NALF1: variants seen among roughly 807,000 people sequenced by gnomAD.
NALF1 encodes family with sequence similarity 155 member A.
Under a neutral mutation model 48.4 loss-of-function variants are expected in NALF1, and 3 were observed. That is an observed-to-expected ratio of 0.06 (90% CI 0.03 to 0.16). NALF1 has a LOEUF of 0.16. Among genes scored for constraint, NALF1 ranks in the 10% least tolerant of loss-of-function variants. The pLI is 1.00. For missense variants in NALF1, 526 were observed against 571.5 expected, an observed-to-expected ratio of 0.92 and a Z score of 0.81; for synonymous variants, 262 against 245.7, an observed-to-expected ratio of 1.07 and a Z score of -0.62.
At chr13:107,271,513 A>G (rs184544813) in intron 1 of NALF1, among the ~76,000 whole-genome samples, 12 of 152,182 alleles carry the variant, frequency 7.9e-5, no homozygotes, top group African/African-American at 2.9e-4. Context: ...ATGAGGCTAG[A>G]CGACTGGGGC....
rs1884908877 is a variant in NALF1, at chr13:107,460,952, G to A, written c.916-250197C>T. ...TTAACATCATCATGTTTTTGGAAAA[G>A]AAATCCATTTGTACATGAGGAGACA... On this transcript the variant is annotated intron_variant, in intron 1 of 2. Coordinates refer to ENST00000375915, the MANE Select transcript of NALF1 (RefSeq NM_001080396.3). 2.0e-5 allele frequency among the ~76,000 whole-genome samples: 3 copies of A among 152,200 alleles called. 1 individual carries two copies. Among genetic ancestry groups the A allele is most frequent in the Admixed American group, 2.0e-4 (3 of 15,290 alleles).
chr13:107,341,793 C>A (rs1414900045), intron 1 of NALF1, among the ~76,000 whole-genome samples: 1 of 151,176 alleles, frequency 6.6e-6, no homozygotes, highest in African/African-American at 2.4e-5. Context: ...TATTTATAGG[C>A]ATTTTTATCT....
chr13:107,480,937 A>C (rs1885245141), intron 1 of NALF1, among the ~76,000 whole-genome samples: 1 of 152,150 alleles, frequency 6.6e-6, no homozygotes, highest in African/African-American at 2.4e-5. Context: ...TACGAAACCC[A>C]CTAAAATCTT....
chr13:107,467,616 C>A (rs1469649346), intron 1 of NALF1, among the ~76,000 whole-genome samples: 2 of 152,052 alleles, frequency 1.3e-5, no homozygotes, highest in African/African-American at 4.8e-5. Context: ...AACAAATTAG[C>A]AATTAAGAAA....
rs114719625 is a variant in NALF1 at position 107,225,854 on chromosome 13, C to T, written c.916-15099G>A. Among the ~76,000 whole-genome samples, 711 of 152,110 alleles carry T rather than the reference C, an allele frequency of 4.7e-3. 4 individuals are homozygous for T. Among genetic ancestry groups the T allele is most frequent in the African/African-American group, 0.016 (647 of 41,506 alleles). On this transcript the variant is annotated intron_variant, in intron 1 of 2. Transcript: ENST00000375915. ...GCACACACACACGCATGCGCACAGA[C>T]GCACTTTCCATACATTAGGTCAGAT...
rs932256711 is a variant in NALF1 at position 107,167,366 on chromosome 13, T to C, written c.*3131A>G. 2.6e-5 allele frequency: 4 copies of C among 152,216 alleles called. No homozygotes were observed. The highest frequency in any genetic ancestry group is 9.6e-5 in the African/African-American group (4 of 41,460). The allele number at this position is 152,216 out of a possible 1,614,324, so 9.4% of individuals were successfully genotyped here. On this transcript the variant is annotated 3_prime_UTR_variant, in exon 3 of 3. Coordinates refer to ENST00000375915, the MANE Select transcript of NALF1 (RefSeq NM_001080396.3). Reference sequence around the variant, plus strand: ...ATGCTCAAGTGTGTGCCAGGAAAACTACTACAAAGAATCAACGGATGTAGT... The same window carrying C: ...ATGCTCAAGTGTGTGCCAGGAAAACCACTACAAAGAATCAACGGATGTAGT...
At chr13:107,354,143 C>T (rs1882921837) in intron 1 of NALF1, among the ~76,000 whole-genome samples, 1 of 152,100 alleles carries the variant, frequency 6.6e-6, no homozygotes, top group Non-Finnish European at 1.5e-5. Flanking sequence ...ATAACATAAA[C>T]AGCATTTTAT....
rs1216173157 is a variant in NALF1 at position 107,302,079 on chromosome 13, T to G, written c.916-91324A>C. Among the ~76,000 whole-genome samples the G allele has an allele frequency of 3.3e-5, 5 of 152,110 alleles. No individual in the cohort carries two copies. The East Asian group carries it at 9.6e-4, about 29-fold the overall frequency. ...TTAATCCATTCATGAACTAATGGAT[T>G]GATAGATTAATGGATAAATGCATTA... is the stretch of plus-strand genomic sequence containing the variant. On this transcript the variant is annotated intron_variant, in intron 1 of 2. Transcript: ENST00000375915.
chr13:107,542,818 T>C (rs1173889026), intron 1 of NALF1, among the ~76,000 whole-genome samples: 2 of 152,132 alleles, frequency 1.3e-5, no homozygotes, highest in Non-Finnish European at 2.9e-5. Flanking sequence ...TATTAACATA[T>C]TGTAAGTTTA....
At chr13:107,375,795 T>G (rs1883325563) in intron 1 of NALF1, among the ~76,000 whole-genome samples, 1 of 152,104 alleles carries the variant, frequency 6.6e-6, no homozygotes, top group Non-Finnish European at 1.5e-5. Context: ...TAGAGAGGAT[T>G]CAGAGAGAAT....
At chr13:107,700,189 T>C (rs9587428) in intron 1 of NALF1, among the ~76,000 whole-genome samples, 5 of 151,584 alleles carry the variant, frequency 3.3e-5, no homozygotes, top group African/African-American at 4.8e-5. Flanking sequence ...AAACCCTGAA[T>C]AGACAAAGAA....
intron 1 of NALF1, among the ~76,000 whole-genome samples, chr13:107,499,344 GTTTTT>G (rs577059287): frequency 1.3e-5 from 2 of 149,714 alleles, no homozygotes; most frequent in African/African-American, 2.4e-5. Context: ...ATACAATAAA[GTTTTT>G]TTTTTCTTTT....
intron 1 of NALF1, among the ~76,000 whole-genome samples, chr13:107,588,947 G>C (rs1878530665): frequency 6.6e-6 from 1 of 152,016 alleles, no homozygotes; most frequent in African/African-American, 2.4e-5. Flanking sequence ...TTTGTCAAAG[G>C]TTAAGACACA....
At chr13:107,716,379 G>A (rs531248614) in intron 1 of NALF1, among the ~76,000 whole-genome samples, 28 of 152,188 alleles carry the variant, frequency 1.8e-4, no homozygotes, top group African/African-American at 5.8e-4. Context: ...TCTTTAACCC[G>A]CCCTGCAAAG....
At chr13:107,665,081 T>C (rs1880824146) in intron 1 of NALF1, among the ~76,000 whole-genome samples, 1 of 152,182 alleles carries the variant, frequency 6.6e-6, no homozygotes, top group Non-Finnish European at 1.5e-5. Context: ...CTCCCTAATA[T>C]CATTGTAAGG....
At chr13:107,495,719 C>G (rs1030616770) in intron 1 of NALF1, among the ~76,000 whole-genome samples, 1 of 152,066 alleles carries the variant, frequency 6.6e-6, no homozygotes, top group South Asian at 2.1e-4. Flanking sequence ...CCTTTGTAGA[C>G]AAGATGGTTA....
chr13:107,202,779 TACTG>T (rs1262990317), intron 2 of NALF1, among the ~76,000 whole-genome samples: 1 of 152,216 alleles, frequency 6.6e-6, no homozygotes, highest in East Asian at 1.9e-4. Context: ...TCCGTTAACC[TACTG>T]ACTGACTTTT....
chr13:107,533,631 C>G (rs1876712583), intron 1 of NALF1, among the ~76,000 whole-genome samples: 1 of 152,108 alleles, frequency 6.6e-6, no homozygotes, highest in African/African-American at 2.4e-5. Context: ...AATAACTGTT[C>G]AAATTAGAGA....
intron 1 of NALF1, among the ~76,000 whole-genome samples, chr13:107,395,704 G>A (rs370592357): frequency 1.3e-5 from 2 of 152,170 alleles, no homozygotes; most frequent in East Asian, 1.9e-4. Flanking sequence ...CAGTTCTTGC[G>A]GCTGGAAATC....
Sources: gnomAD v4.1 joint callset for allele counts (sites outside exome capture counted in the v4.1 genomes callset) on GRCh38, gnomAD v4.1.1 for gene constraint, MANE v1.5 for transcripts, NCBI Gene and HGNC (gene_info 2026-07-23, HGNC 2026-07-21) for gene names.